Variants in ASIC2 observed in about 807,000 individuals in gnomAD.
The protein encoded by ASIC2 is acid-sensing ion channel 2.
ASIC2 carries 25 observed loss-of-function variants against 57.3 expected under a neutral mutation model. The ratio of observed to expected loss-of-function variants is 0.44; its 90% CI spans 0.32 to 0.61. The LOEUF is 0.61. ASIC2 is among the 20% of genes least tolerant of loss of function. The pLI, the probability that ASIC2 is intolerant of heterozygous loss-of-function variation, is 0.06. For missense variants in ASIC2, 641 were observed against 738.1 expected (o/e 0.87, Z 1.52); for synonymous variants, 319 against 307.5 (o/e 1.04, Z -0.39).
intron 3 of ASIC2, among the ~76,000 whole-genome samples, chr17:33,064,398 G>C (rs1156761278): frequency 6.6e-6 from 1 of 152,184 alleles, no homozygotes; most frequent in East Asian, 1.9e-4. Context: ...CTCAGCTGCA[G>C]GTCTGTTGGA....
At chr17:34,098,995 G>A (rs868393004) in intron 1 of ASIC2, among the ~76,000 whole-genome samples, 10 of 151,684 alleles carry the variant, frequency 6.6e-5, no homozygotes, top group South Asian at 2.1e-4. Context: ...TGGGGGAGGT[G>A]ACATTCAACA....
chr17:34,131,484 T>G (rs189528898), intron 1 of ASIC2, among the ~76,000 whole-genome samples: 3 of 152,236 alleles, frequency 2.0e-5, no homozygotes, highest in Admixed American at 2.0e-4. Context: ...ACATAAAGGT[T>G]TCTGCCCCCA....
At chr17:33,484,134 C>A (rs181534713) in intron 1 of ASIC2, among the ~76,000 whole-genome samples, 114 of 152,372 alleles carry the variant, frequency 7.5e-4, no homozygotes, top group Non-Finnish European at 1.0e-3. Context: ...AATCTGATTT[C>A]AGACTTCTGA....
At chr17:34,038,807 G>A (rs1300813789) in intron 1 of ASIC2, 3 of 1,612,036 alleles carry the variant, frequency 1.9e-6, no homozygotes, top group Non-Finnish European at 2.5e-6. Flanking sequence ...CTCATTGGTT[G>A]CAGGAGGGGC....
chr17:33,175,135 A>G (rs2142052741), intron 1 of ASIC2, among the ~76,000 whole-genome samples: 1 of 152,358 alleles, frequency 6.6e-6, no homozygotes, highest in Middle Eastern at 3.4e-3. Context: ...TCTGGTGATT[A>G]TAAAATAGCT....
intron 1 of ASIC2, among the ~76,000 whole-genome samples, chr17:33,689,935 G>A (rs1170807871): frequency 2.6e-5 from 4 of 152,226 alleles, no homozygotes; most frequent in Non-Finnish European, 4.4e-5. Flanking sequence ...TCCAGAGGGC[G>A]TGCAGCCCTG....
intron 1 of ASIC2, among the ~76,000 whole-genome samples, chr17:33,414,893 T>G (rs1253505838): frequency 3.3e-5 from 5 of 152,228 alleles, no homozygotes; most frequent in South Asian, 4.1e-4. Context: ...CTCCTCTTCC[T>G]TCCTCTACTT....
At chr17:33,725,731 C>G (rs1056081989) in intron 1 of ASIC2, among the ~76,000 whole-genome samples, 3 of 147,168 alleles carry the variant, frequency 2.0e-5, no homozygotes, top group Admixed American at 6.7e-5. Context: ...ACCCCCCCCC[C>G]CTTTTTTTAT....
chr17:33,274,107 C>G (rs1446240915), intron 1 of ASIC2, among the ~76,000 whole-genome samples: 1 of 152,190 alleles, frequency 6.6e-6, no homozygotes, highest in African/African-American at 2.4e-5. Context: ...CCATTTCATA[C>G]TGTCTGGATG....
intron 2 of ASIC2, among the ~76,000 whole-genome samples, chr17:33,110,631 C>T (rs756427168): frequency 6.6e-6 from 1 of 152,116 alleles, no homozygotes. Flanking sequence ...ACGGGGTGTT[C>T]GTGAGAGAGG....
At chr17:33,448,271 C>G (rs549153762) in intron 1 of ASIC2, among the ~76,000 whole-genome samples, 3 of 152,132 alleles carry the variant, frequency 2.0e-5, no homozygotes, top group Admixed American at 2.0e-4. Flanking sequence ...GCTCATCTGG[C>G]CACTGCTACC....
intron 1 of ASIC2, among the ~76,000 whole-genome samples, chr17:34,056,345 G>T (rs1908764683): frequency 6.6e-6 from 1 of 152,186 alleles, no homozygotes. Flanking sequence ...CTCAGGTCCT[G>T]CCTTCTCCCT....
At chr17:33,378,010 T>G (rs1037419450) in intron 1 of ASIC2, among the ~76,000 whole-genome samples, 1 of 152,228 alleles carries the variant, frequency 6.6e-6, no homozygotes, top group African/African-American at 2.4e-5. Flanking sequence ...TCACCACGAC[T>G]GCTCAGCAGA....
intron 1 of ASIC2, among the ~76,000 whole-genome samples, chr17:33,899,792 A>T (rs575197289): frequency 3.9e-4 from 59 of 152,356 alleles, no homozygotes; most frequent in African/African-American, 1.3e-3. Context: ...ATAAGGTTGT[A>T]TCTTCCTTCT....
intron 1 of ASIC2, among the ~76,000 whole-genome samples, chr17:33,969,758 G>T (rs1191338002): frequency 6.6e-6 from 1 of 152,278 alleles, no homozygotes; most frequent in East Asian, 1.9e-4. Context: ...TCCTGCTTGT[G>T]GGCTGAGAAA....
chr17:33,500,541 A>C (rs1335401466), intron 1 of ASIC2, among the ~76,000 whole-genome samples: 3 of 152,248 alleles, frequency 2.0e-5, no homozygotes, highest in Admixed American at 6.5e-5. Context: ...ATGATCTGTT[A>C]GGAGAGGTTC....
chr17:33,971,091 C>T (rs1395628449), intron 1 of ASIC2, among the ~76,000 whole-genome samples: 5 of 152,156 alleles, frequency 3.3e-5, no homozygotes, highest in Admixed American at 6.5e-5. Context: ...GTGTGCAATG[C>T]GCACACCACT....
At chr17:33,028,968 T>TG (rs2091869967) in intron 3 of ASIC2, among the ~76,000 whole-genome samples, 1 of 152,172 alleles carries the variant, frequency 6.6e-6, no homozygotes, top group South Asian at 2.1e-4. Context: ...ATGGCACCTT[T>TG]TCCCTTTGGA....
At chr17:34,127,920 T>G (rs2142124856) in intron 1 of ASIC2, among the ~76,000 whole-genome samples, 1 of 152,286 alleles carries the variant, frequency 6.6e-6, no homozygotes, top group South Asian at 2.1e-4. Context: ...AGACTGGGCC[T>G]GCTAGATCCA....
Sources: gnomAD v4.1 joint callset for allele counts (sites outside exome capture counted in the v4.1 genomes callset) on GRCh38, gnomAD v4.1.1 for gene constraint, MANE v1.5 for transcripts, NCBI Gene and HGNC (gene_info 2026-07-23, HGNC 2026-07-21) for gene names.